The following JAKMIP3 variants were observed in gnomAD, a reference collection of about 807,000 sequenced individuals.
JAKMIP3 encodes the protein Janus kinase and microtubule interacting protein 3.
Under a neutral mutation model 118.5 loss-of-function variants are expected in JAKMIP3, and 58 were observed. The ratio of observed to expected loss-of-function variants is 0.49; its 90% CI spans 0.40 to 0.61. The LOEUF (loss-of-function observed/expected upper bound fraction) is 0.61. Ranked by LOEUF, JAKMIP3 falls within the 20% of genes least tolerant of loss-of-function variation. The pLI, the probability that JAKMIP3 is intolerant of heterozygous loss-of-function variation, is 0.00. For missense variants in JAKMIP3, 950 were observed against 1,109.0 expected (o/e 0.86, Z 2.04); for synonymous variants, 486 against 451.2 (o/e 1.08, Z -0.98).
At chr10:132,073,176 CTTCTT>C (rs747695737) in intron 1 of JAKMIP3, among the ~76,000 whole-genome samples, 15 of 152,024 alleles carry the variant, frequency 9.9e-5, no homozygotes, top group South Asian at 6.2e-4. Context: ...ACACTTTGAT[CTTCTT>C]TTCTTTTCTT....
intron 1 of JAKMIP3, among the ~76,000 whole-genome samples, chr10:132,057,922 C>T (rs953523368): frequency 1.3e-5 from 2 of 152,212 alleles, no homozygotes; most frequent in East Asian, 1.9e-4. Flanking sequence ...CTGGTGCGTA[C>T]GAAGTGGAGA....
chr10:132,145,405 G>A, intron 12 of JAKMIP3, 113 bp from the exon 13 acceptor site: 1 of 1,100,150 alleles, frequency 9.1e-7, no homozygotes, highest in Admixed American at 2.2e-5. Flanking sequence ...GTAGAGACGG[G>A]GCTTTGCCAC....
In JAKMIP3 at chr10:132,104,943, G is replaced by A; in HGVS notation, c.135G>A (p.Lys45=). 1.3e-6 allele frequency: 2 copies of A among 1,588,598 alleles called. No individual in the cohort carries two copies. Among genetic ancestry groups the A allele is most frequent in the South Asian group, 1.2e-5 (1 of 86,830 alleles). ...IQIELQQEKS[K]VSKVEREKNQ... is the part of the protein sequence containing the mutation. ...TCGAGCTGCAGCAGGAGAAGAGCAAGGTGGGCGCTCCCCAGACCTCCACCC... is the reference window on the plus strand; with the variant it reads ...TCGAGCTGCAGCAGGAGAAGAGCAAAGTGGGCGCTCCCCAGACCTCCACCC... The change falls in exon 2 of 24, where the codon AAG becomes AAA. Residue 45 remains lysine, a splice_region_variant and synonymous_variant. Transcript: ENST00000684848.
intron 1 of JAKMIP3, among the ~76,000 whole-genome samples, chr10:132,041,855 TTTTTCTTTC>T (rs1371740610): frequency 2.0e-5 from 3 of 151,956 alleles, no homozygotes; most frequent in Non-Finnish European, 4.4e-5. Flanking sequence ...TTTTCTTTCT[TTTTTCTTTC>T]TTTTCTTTTT....
In JAKMIP3 at chr10:132,139,477, AGT is replaced by A. The variant is rs572939593; in HGVS notation, c.1345-966_1345-965del. On this transcript the variant is annotated intron_variant, in intron 9 of 23. Transcript: ENST00000684848. Reference sequence around the variant, plus strand: ...ATGTGTCTGCATGTGTGTATGTGTGAGTGTGTGTGAGAGTATGTGAGTGTGTA... The same window carrying A: ...ATGTGTCTGCATGTGTGTATGTGTGAGTGTGTGAGAGTATGTGAGTGTGTA... Among the ~76,000 whole-genome samples, 667 of 138,052 alleles carry A rather than the reference AGT, an allele frequency of 4.8e-3. 6 individuals are homozygous for A. The highest frequency in any genetic ancestry group is 0.017 in the African/African-American group (628 of 36,688). 90.6% of individuals were successfully genotyped at this position (138,052 alleles called of 152,430 possible). A position where few individuals can be genotyped will look rare whatever the true frequency, so the allele number is the denominator to read the frequency against.
chr10:132,152,188 CT>C (rs2056340419), intron 16 of JAKMIP3, among the ~76,000 whole-genome samples: 1 of 152,148 alleles, frequency 6.6e-6, no homozygotes, highest in Non-Finnish European at 1.5e-5. Context: ...CTGAGCCTGA[CT>C]CCCCCCTGTG....
At chr10:132,139,206 G>GTGTT (rs1201878999) in intron 9 of JAKMIP3, among the ~76,000 whole-genome samples, 6 of 147,856 alleles carry the variant, frequency 4.1e-5, no homozygotes, top group African/African-American at 7.6e-5. Flanking sequence ...ATGAGTGTGT[G>GTGTT]TGTGTATGTG....
chr10:132,154,523 A>G (rs1301077862), intron 19 of JAKMIP3, among the ~76,000 whole-genome samples: 2 of 152,232 alleles, frequency 1.3e-5, no homozygotes, highest in Non-Finnish European at 2.9e-5. Context: ...CTGCACAAGC[A>G]AAATCATCTG....
chr10:132,036,452 C>T (rs919541253), upstream of JAKMIP3, among the ~76,000 whole-genome samples: 7 of 152,172 alleles, frequency 4.6e-5, no homozygotes, highest in Admixed American at 6.5e-5. Flanking sequence ...CGGCTCCCTA[C>T]GCGCGCCCCG....
At chr10:132,161,385 TGGGGGGGGTCTATTCCTGTGTCTTACTG>T (rs2058272795) in intron 19 of JAKMIP3, among the ~76,000 whole-genome samples, 9 of 20,456 alleles carry the variant, frequency 4.4e-4, no homozygotes, top group South Asian at 4.0e-3. Context: ...TGTGTGATGC[TGGGGGGGGTCTATTCCTGTGTCTTACTG>T]GGGGGGGCCT....
intron 23 of JAKMIP3, among the ~76,000 whole-genome samples, chr10:132,182,126 A>G (rs1393023943): frequency 1.3e-5 from 2 of 152,134 alleles, no homozygotes; most frequent in Non-Finnish European, 2.9e-5. Context: ...TCTTCCTGAG[A>G]GTGTGGCCTT....
intron 20 of JAKMIP3, among the ~76,000 whole-genome samples, chr10:132,163,664 C>T (rs2058604886): frequency 6.6e-6 from 1 of 152,238 alleles, no homozygotes; most frequent in African/African-American, 2.4e-5. Flanking sequence ...TGGCCACGCC[C>T]CCTGCTGGCC....
At chr10:132,087,095 CTGTA>C (rs1321580735) in intron 1 of JAKMIP3, among the ~76,000 whole-genome samples, 1 of 152,104 alleles carries the variant, frequency 6.6e-6, no homozygotes, top group African/African-American at 2.4e-5. Context: ...CTGGAAAAGA[CTGTA>C]TGTTTCTTTC....
chr10:132,145,364 C>A (rs1186865926), intron 12 of JAKMIP3, among the ~76,000 whole-genome samples, 154 bp from the exon 13 acceptor site: 1 of 152,238 alleles, frequency 6.6e-6, no homozygotes, highest in Non-Finnish European at 1.5e-5. Context: ...CAGGCATGTG[C>A]CACCACGCCC....
intron 11 of JAKMIP3, among the ~76,000 whole-genome samples, chr10:132,142,462 C>T (rs1284051374): frequency 6.6e-6 from 1 of 150,580 alleles, no homozygotes; most frequent in African/African-American, 2.5e-5. Context: ...AGGCTGAGCT[C>T]ACACAGGCTG....
At chr10:132,180,641 G>A (rs2060933389) in intron 23 of JAKMIP3, among the ~76,000 whole-genome samples, 1 of 38,042 alleles carries the variant, frequency 2.6e-5, no homozygotes, top group African/African-American at 1.0e-4. Context: ...GTGCGTGCGT[G>A]TGTGCGTGTG....
chr10:132,123,825 G>C (rs745834375), intron 3 of JAKMIP3, among the ~76,000 whole-genome samples: 19 of 152,160 alleles, frequency 1.2e-4, no homozygotes, highest in Non-Finnish European at 1.8e-4. Flanking sequence ...TCGGCTTCTG[G>C]GGCCAAAGCC....
At chr10:132,159,352 C>G (rs1331114480) in intron 19 of JAKMIP3, among the ~76,000 whole-genome samples, 4 of 85,788 alleles carry the variant, frequency 4.7e-5, no homozygotes, top group Admixed American at 3.5e-4. Context: ...CTGAGGGGGC[C>G]TCTCCCTGTG....
chr10:132,124,069 G>A (rs1006872454), intron 3 of JAKMIP3, among the ~76,000 whole-genome samples: 1 of 152,224 alleles, frequency 6.6e-6, no homozygotes, highest in African/African-American at 2.4e-5. Flanking sequence ...TTTCCATTTT[G>A]TGGATGTTGA....
Sources: gnomAD v4.1 joint callset for allele counts (sites outside exome capture counted in the v4.1 genomes callset) on GRCh38, gnomAD v4.1.1 for gene constraint, MANE v1.5 for transcripts, NCBI Gene and HGNC (gene_info 2026-07-23, HGNC 2026-07-21) for gene names.